Variants in RGS13 observed in about 807,000 individuals in gnomAD.
RGS13 encodes regulator of G protein signaling 13.
RGS13 carries 14 observed loss-of-function variants against 19.9 expected under a neutral mutation model. The ratio of observed to expected loss-of-function variants is 0.70; its 90% CI spans 0.46 to 1.10. RGS13 has a LOEUF of 1.10. RGS13 is among the 50% of genes least tolerant of loss of function. The pLI is 0.00. For missense variants in RGS13, 205 were observed against 187.1 expected (o/e 1.10, Z -0.56); for synonymous variants, 60 against 56.8 (o/e 1.06, Z -0.25).
At chr1:192,647,638 T>C (rs564908116) in intron 4 of RGS13, 34 of 164,494 alleles carry the variant, frequency 2.1e-4, no homozygotes, top group Admixed American at 1.7e-3. Flanking sequence ...AAAATACTAA[T>C]AGTGGTAATT....
intron 5 of RGS13, among the ~76,000 whole-genome samples, chr1:192,657,022 G>C (rs1663455731): frequency 6.6e-6 from 1 of 152,060 alleles, no homozygotes; most frequent in Admixed American, 6.6e-5. Flanking sequence ...CCAAGATAGT[G>C]TTAATCAAAA....
intron 5 of RGS13, among the ~76,000 whole-genome samples, chr1:192,648,341 G>A (rs1315650317): frequency 6.6e-6 from 1 of 152,122 alleles, no homozygotes; most frequent in Non-Finnish European, 1.5e-5. Flanking sequence ...GAATAAATTT[G>A]AGTCTTGCTG....
intron 5 of RGS13, among the ~76,000 whole-genome samples, chr1:192,656,057 TG>T (rs1313321053): frequency 6.6e-6 from 1 of 152,112 alleles, no homozygotes; most frequent in Non-Finnish European, 1.5e-5. Context: ...CAGATACAGT[TG>T]GTTCTAAAAT....
chr1:192,650,363 G>A (rs539181481), intron 5 of RGS13, among the ~76,000 whole-genome samples: 5 of 152,040 alleles, frequency 3.3e-5, no homozygotes, highest in South Asian at 4.2e-4. Flanking sequence ...GTAATAAAAC[G>A]AATCATTCTA....
intron 3 of RGS13, among the ~76,000 whole-genome samples, chr1:192,639,885 G>C (rs529134054): frequency 5.5e-4 from 84 of 152,204 alleles, no homozygotes; most frequent in Admixed American, 2.3e-3. Flanking sequence ...CTATACTTCA[G>C]ACCTTAGTGA....
At chr1:192,643,450 AT>A (rs1156273761) in intron 3 of RGS13, among the ~76,000 whole-genome samples, 1 of 125,916 alleles carries the variant, frequency 7.9e-6, no homozygotes, top group Non-Finnish European at 1.9e-5. Flanking sequence ...TATGATATGT[AT>A]TGTTATGTAA....
At chr1:192,653,547 C>A (rs970034162) in intron 5 of RGS13, among the ~76,000 whole-genome samples, 1 of 151,808 alleles carries the variant, frequency 6.6e-6, no homozygotes, top group Non-Finnish European at 1.5e-5. Flanking sequence ...TAACTTATAA[C>A]CAAGAAAAGG....
intron 4 of RGS13, chr1:192,647,096 T>A (rs1164925779): frequency 1.3e-5 from 2 of 152,134 alleles, no homozygotes; most frequent in African/African-American, 4.8e-5. Context: ...AGCTTTAGGG[T>A]TACTAACTGT....
intron 3 of RGS13, among the ~76,000 whole-genome samples, chr1:192,642,173 T>C (rs1287392160): frequency 6.6e-6 from 1 of 152,200 alleles, no homozygotes; most frequent in African/African-American, 2.4e-5. Flanking sequence ...GTGCTCGGCC[T>C]CTGCCTAGCA....
rs61759903 is a variant in RGS13 at position 192,647,965 on chromosome 1, T to C, written c.105T>C (p.Phe35=). The change falls in exon 5 of 7, where the codon TTT becomes TTC. Residue 35 remains phenylalanine, a synonymous_variant. Coordinates refer to ENST00000391995, the MANE Select transcript of RGS13 (RefSeq NM_002927.5). Reference sequence around the variant, plus strand: ...AAGTATTACAGTGGGCCCAGTCTTTTGAAAATTTAATGGCTACAAAATGTG... The same window carrying C: ...AAGTATTACAGTGGGCCCAGTCTTTCGAAAATTTAATGGCTACAAAATGTG... ...LEEVLQWAQS[F]ENLMATKYGP... 15 of 1,601,358 alleles carry C rather than the reference T, an allele frequency of 9.4e-6. No individual in the cohort carries two copies. The highest frequency in any genetic ancestry group is 1.3e-5 in the Non-Finnish European group (15 of 1,173,014).
rs1571589556 is a variant in RGS13, at chr1:192,659,505, G to A, written c.462G>A (p.Gln154=). The change falls in exon 7 of 7, where the codon CAG becomes CAA. Residue 154 remains glutamine (Q), a synonymous_variant. Coordinates refer to ENST00000391995, the MANE Select transcript of RGS13 (RefSeq NM_002927.5). ...ACCAAAAACTTTTGAAAACTATGCA[G>A]TCCAACAACAGTTTCTGACTACAAC... The part of the protein sequence containing the change: ...EMYQKLLKTM[Q]SNNSF 1 of 1,609,886 alleles carries A rather than the reference G, an allele frequency of 6.2e-7. No individual in the cohort carries two copies.
chr1:192,658,247 C>T lies in RGS13; in HGVS notation c.174C>T (p.Asp58=), dbSNP rs768100083. 108 of 1,612,782 alleles carry T rather than the reference C, an allele frequency of 6.7e-5. No homozygotes were observed. Among genetic ancestry groups the T allele is most frequent in the Non-Finnish European group, 8.1e-5 (95 of 1,179,380 alleles). The change falls in exon 6 of 7, where the codon GAC becomes GAT. Residue 58 remains aspartate (D), a synonymous_variant. Transcript: ENST00000391995. ...CATATTTAAAAATGGAGCACAGTGA[C>T]GAGAATATTCAATTCTGGATGGCAT... ...YAAYLKMEHS[D]ENIQFWMACE...
chr1:192,651,310 C>T (rs1431064609), intron 5 of RGS13, among the ~76,000 whole-genome samples: 14 of 152,004 alleles, frequency 9.2e-5, no homozygotes, highest in Non-Finnish European at 1.9e-4. Context: ...TCAACAAGAG[C>T]AGTTTCATGG....
intron 4 of RGS13, chr1:192,644,796 C>G (rs1467062178): frequency 6.3e-6 from 1 of 157,774 alleles, no homozygotes; most frequent in Non-Finnish European, 1.4e-5. Flanking sequence ...AAATGTTAAC[C>G]AAGCTCCCAA....
intron 5 of RGS13, among the ~76,000 whole-genome samples, chr1:192,649,739 G>A (rs987433480): frequency 1.3e-5 from 2 of 152,008 alleles, no homozygotes; most frequent in African/African-American, 4.8e-5. Context: ...CCAGGCTTTT[G>A]TTCAAAGTCC....
chr1:192,639,379 C>G (rs1165609112), intron 3 of RGS13, among the ~76,000 whole-genome samples: 1 of 152,096 alleles, frequency 6.6e-6, no homozygotes, highest in Non-Finnish European at 1.5e-5. Context: ...TACACACACC[C>G]AGATGTCTGT....
chr1:192,651,870 T>C (rs540159165), intron 5 of RGS13, among the ~76,000 whole-genome samples: 2 of 152,174 alleles, frequency 1.3e-5, no homozygotes, highest in South Asian at 2.1e-4. Flanking sequence ...ATAAAATAGT[T>C]TCTGCAGATT....
At chr1:192,648,529 G>A (rs776356591) in intron 5 of RGS13, among the ~76,000 whole-genome samples, 8 of 152,100 alleles carry the variant, frequency 5.3e-5, no homozygotes, top group Non-Finnish European at 7.4e-5. Context: ...GAAAAATAAA[G>A]GAGGACGTGC....
At chr1:192,653,862 G>A (rs1179397081) in intron 5 of RGS13, among the ~76,000 whole-genome samples, 2 of 151,414 alleles carry the variant, frequency 1.3e-5, no homozygotes, top group Non-Finnish European at 2.9e-5. Context: ...TAATTTACTA[G>A]AAGTTTTCTG....
Sources: gnomAD v4.1 joint callset for allele counts (sites outside exome capture counted in the v4.1 genomes callset) on GRCh38, gnomAD v4.1.1 for gene constraint, MANE v1.5 for transcripts, NCBI Gene and HGNC (gene_info 2026-07-23, HGNC 2026-07-21) for gene names.